The following PTK2B variants were observed in gnomAD, a reference collection of about 807,000 sequenced individuals.
PTK2B encodes the protein protein tyrosine kinase 2 beta.
In PTK2B, 71 loss-of-function variants were observed where a neutral mutation model predicts 142.9. The observed-to-expected ratio is 0.50, with a 90% CI of 0.41 to 0.61. The LOEUF (loss-of-function observed/expected upper bound fraction) is 0.61, where lower values mean the gene tolerates loss of function less well. PTK2B is among the 20% of genes least tolerant of loss of function. The pLI is 0.00. For missense variants in PTK2B, 1,105 were observed against 1,320.4 expected (o/e 0.84, Z 2.53); for synonymous variants, 519 against 503.4 (o/e 1.03, Z -0.42).
chr8:27,433,531 C>G lies in PTK2B; in HGVS notation c.1084C>G (p.Leu362Val), dbSNP rs1248815276. 3.1e-6 allele frequency: 5 copies of G among 1,613,898 alleles called. No individual in the cohort carries two copies. Among genetic ancestry groups the G allele is most frequent in the Admixed American group, 1.7e-5 (1 of 60,012 alleles). ...CRLQGEHQGS[L>V]IIHPRKDGEK... ...GCTGCAGGGTGAGCACCAAGGCTCT[C>G]TCATCATCCATCCTAGGAAAGGTGG... Residue 362 changes from leucine to valine, a missense_variant, in exon 11 of 31, where the codon CTC becomes GTC. Coordinates refer to ENST00000346049, the MANE Select transcript of PTK2B (RefSeq NM_173176.3).
intron 1 of PTK2B, among the ~76,000 whole-genome samples, chr8:27,383,852 A>ATTTTTTTTTTTTTTTTTTTT (rs749255419): frequency 1.7e-5 from 2 of 116,604 alleles, no homozygotes; most frequent in Non-Finnish European, 3.7e-5. Flanking sequence ...CACCTGGCTA[A>ATTTTTTTTTTTTTTTTTTTT]TTTTTTTTTT....
At chr8:27,374,101 C>T (rs1806521026) in intron 1 of PTK2B, among the ~76,000 whole-genome samples, 1 of 152,110 alleles carries the variant, frequency 6.6e-6, no homozygotes, top group African/African-American at 2.4e-5. Context: ...AGTGGGAACG[C>T]TGATACATAG....
intron 1 of PTK2B, among the ~76,000 whole-genome samples, chr8:27,384,682 A>G (rs1036005240): frequency 3.9e-5 from 6 of 152,206 alleles, no homozygotes; most frequent in Non-Finnish European, 5.9e-5. Flanking sequence ...AGTTTAAAAT[A>G]TTTTATAAAG....
chr8:27,386,587 C>T (rs1807370909), intron 1 of PTK2B, among the ~76,000 whole-genome samples: 2 of 152,134 alleles, frequency 1.3e-5, no homozygotes, highest in South Asian at 4.1e-4. Context: ...AGGTGGCATC[C>T]TGTTTGCTTG....
upstream of PTK2B, among the ~76,000 whole-genome samples, chr8:27,324,699 G>T (rs1416759973): frequency 6.6e-6 from 1 of 152,188 alleles, no homozygotes; most frequent in African/African-American, 2.4e-5. Flanking sequence ...ACAGGACACA[G>T]AATAAAGAAG....
intron 24 of PTK2B, among the ~76,000 whole-genome samples, chr8:27,447,762 A>G (rs1563299642): frequency 2.6e-5 from 4 of 152,236 alleles, no homozygotes; most frequent in African/African-American, 9.6e-5. Context: ...CAGGAGGCTG[A>G]GGCAGGAGAT....
At chr8:27,430,180 C>T in intron 6 of PTK2B, 25 bp downstream of exon 6, 1 of 1,601,960 alleles carries the variant, frequency 6.2e-7, no homozygotes, top group Non-Finnish European at 8.6e-7. Flanking sequence ...CACCCATCTC[C>T]CCTCCCTTCC....
intron 1 of PTK2B, among the ~76,000 whole-genome samples, chr8:27,332,272 T>G (rs995882876): frequency 6.6e-6 from 1 of 152,250 alleles, no homozygotes; most frequent in Admixed American, 6.5e-5. Context: ...CTTCAAGCCT[T>G]CCTTTTCTCA....
At chr8:27,312,720 A>G (rs1586064833) in intron 2 of PTK2B, among the ~76,000 whole-genome samples, 2 of 152,338 alleles carry the variant, frequency 1.3e-5, no homozygotes, top group East Asian at 1.9e-4. Context: ...AAGGCAGGTC[A>G]TAGAAACCAG....
At chr8:27,348,006 A>T (rs1804815727) in intron 1 of PTK2B, among the ~76,000 whole-genome samples, 1 of 152,248 alleles carries the variant, frequency 6.6e-6, no homozygotes, top group Admixed American at 6.5e-5. Flanking sequence ...TCTGGCTTCA[A>T]CAGCATCATA....
rs562366025 is a variant in PTK2B at position 27,430,275 on chromosome 8, A to G, written c.615-89A>G. 572 of 1,595,120 alleles carry G rather than the reference A, an allele frequency of 3.6e-4. 5 individuals are homozygous for G. The highest frequency in any genetic ancestry group is 3.4e-3 in the South Asian group (304 of 90,622). On this transcript the variant is annotated intron_variant, in intron 6 of 30. Transcript: ENST00000346049. The stretch of plus-strand genomic sequence containing the variant: ...CCACATAGGGCCGTCTCTAGGTCCC[A>G]AAGCCCTCTCACCTCTTCCTGATTG...
At chr8:27,381,906 T>G (rs965601960) in intron 1 of PTK2B, among the ~76,000 whole-genome samples, 20 of 152,208 alleles carry the variant, frequency 1.3e-4, no homozygotes, top group Non-Finnish European at 2.5e-4. Flanking sequence ...CCCTTATGAT[T>G]AGTGATATCG....
At chr8:27,425,538 A>G (rs1043476825) in intron 5 of PTK2B, among the ~76,000 whole-genome samples, 1 of 152,124 alleles carries the variant, frequency 6.6e-6, no homozygotes, top group Non-Finnish European at 1.5e-5. Flanking sequence ...ACACATGCAC[A>G]GCCTCCCCCA....
intron 5 of PTK2B, among the ~76,000 whole-genome samples, chr8:27,423,419 C>G (rs1809882692): frequency 6.6e-6 from 1 of 152,118 alleles, no homozygotes; most frequent in African/African-American, 2.4e-5. Flanking sequence ...GCTTAATAAA[C>G]TGGAGACGTC....
At chr8:27,386,954 A>G (rs1807402111) in intron 1 of PTK2B, among the ~76,000 whole-genome samples, 1 of 151,812 alleles carries the variant, frequency 6.6e-6, no homozygotes, top group Non-Finnish European at 1.5e-5. Context: ...ATCAAGTCCT[A>G]CATATCCATG....
At chr8:27,361,183 A>C (rs188603108) in intron 1 of PTK2B, among the ~76,000 whole-genome samples, 2 of 152,188 alleles carry the variant, frequency 1.3e-5, no homozygotes, top group Non-Finnish European at 2.9e-5. Flanking sequence ...CAAATTATTT[A>C]GCTCCAGATT....
In PTK2B at chr8:27,365,662, C is replaced by T. The variant is rs997680279; in HGVS notation, c.-37-31886C>T. On this transcript the variant is annotated intron_variant, in intron 1 of 30. Coordinates refer to ENST00000346049, the MANE Select transcript of PTK2B (RefSeq NM_173176.3). ...GAATGATAATACCAACTTCGTTTTG[C>T]GGATTAAATGAGTTAACATTTGTCA... 4.6e-5 allele frequency among the ~76,000 whole-genome samples: 7 copies of T among 152,038 alleles called. No individual in the cohort carries two copies. In the East Asian group the frequency reaches 9.7e-4, roughly 21 times the overall value.
chr8:27,434,160 G>A, intron 12 of PTK2B, 28 bp downstream of exon 12: 1 of 1,610,728 alleles, frequency 6.2e-7, no homozygotes, highest in African/African-American at 1.3e-5. Flanking sequence ...CAGAGGACAG[G>A]GCCCTGAGCT....
At chr8:27,311,235 T>G (rs886367509), upstream of PTK2B, 2 of 1,528,408 alleles carry the variant, frequency 1.3e-6, no homozygotes, top group South Asian at 1.3e-5. Context: ...CTCCGCTCCA[T>G]GGCACGAGCA....
Sources: gnomAD v4.1 joint callset for allele counts (sites outside exome capture counted in the v4.1 genomes callset) on GRCh38, gnomAD v4.1.1 for gene constraint, MANE v1.5 for transcripts, NCBI Gene and HGNC (gene_info 2026-07-23, HGNC 2026-07-21) for gene names.